Variants in NAV2 observed in about 807,000 individuals in gnomAD.
NAV2 encodes neuron navigator 2.
Under a neutral mutation model 223.2 loss-of-function variants are expected in NAV2, and 54 were observed. The ratio of observed to expected loss-of-function variants is 0.24; its 90% confidence interval spans 0.19 to 0.30. NAV2 has a LOEUF of 0.30. Among genes scored for constraint, NAV2 ranks in the 10% least tolerant of loss-of-function variants. NAV2 has a pLI of 1.00. For missense variants in NAV2, 2,806 were observed against 3,147.5 expected, an observed-to-expected ratio of 0.89 and a Z score of 2.60; for synonymous variants, 1,279 against 1,239.3, an observed-to-expected ratio of 1.03 and a Z score of -0.67.
At chr11:19,611,017 A>G (rs575925436) in intron 1 of NAV2, among the ~76,000 whole-genome samples, 8 of 152,220 alleles carry the variant, frequency 5.3e-5, no homozygotes, top group Non-Finnish European at 1.2e-4. Flanking sequence ...ACTGGGAAGA[A>G]AAAGAGGTTT....
chr11:19,765,916 A>G (rs2055189561), intron 1 of NAV2, among the ~76,000 whole-genome samples: 2 of 152,138 alleles, frequency 1.3e-5, no homozygotes, highest in South Asian at 4.2e-4. Flanking sequence ...TTCTCTCTCT[A>G]GGACTTACTA....
chr11:19,616,895 T>C (rs1003811122), intron 1 of NAV2, among the ~76,000 whole-genome samples: 1 of 152,038 alleles, frequency 6.6e-6, no homozygotes, highest in Non-Finnish European at 1.5e-5. Context: ...AGACCTAAGA[T>C]AGAATTCTGC....
At chr11:19,411,853 G>A (rs1486194284) in intron 1 of NAV2, among the ~76,000 whole-genome samples, 3 of 152,116 alleles carry the variant, frequency 2.0e-5, no homozygotes, top group African/African-American at 7.2e-5. Flanking sequence ...GGGAGTAAAT[G>A]TCCCCATTAC....
Position 19,849,024 on chromosome 11 carries a change from A to ATTTT in NAV2, c.438+6102_438+6105dup, listed in dbSNP as rs540742768. On this transcript the variant is annotated intron_variant, in intron 3 of 37. Transcript: ENST00000349880. Reference sequence around the variant, plus strand: ...CAACACCTCGCAGGGTTACCATGAGATTTTAATGAGCTAACATTTATTGAT... The same window carrying ATTTT: ...CAACACCTCGCAGGGTTACCATGAGATTTTTTTTAATGAGCTAACATTTATTGAT... Among the ~76,000 whole-genome samples, 963 of 152,278 alleles carry ATTTT rather than the reference A, an allele frequency of 6.3e-3. 12 individuals carry two copies. Among genetic ancestry groups the ATTTT allele is most frequent in the Non-Finnish European group, 7.1e-3 (481 of 68,022 alleles).
chr11:20,036,964 A>G (rs2056431762), intron 12 of NAV2, among the ~76,000 whole-genome samples: 2 of 152,164 alleles, frequency 1.3e-5, no homozygotes, highest in South Asian at 4.1e-4. Context: ...TGACCCTCAG[A>G]CCATTCCTTC....
At chr11:20,109,011 G>A (rs2062405797) in intron 36 of NAV2, among the ~76,000 whole-genome samples, 1 of 152,146 alleles carries the variant, frequency 6.6e-6, no homozygotes, top group African/African-American at 2.4e-5. Flanking sequence ...GCTATCGTAG[G>A]CCTGTGGAGG....
At chr11:19,843,031 A>C in intron 3 of NAV2, 108 bp downstream of exon 3, 1 of 852,406 alleles carries the variant, frequency 1.2e-6, no homozygotes, top group South Asian at 1.7e-5. Flanking sequence ...ACTCCAGGGG[A>C]TTATATTAAT....
chr11:19,767,288 G>A (rs1222911589), intron 1 of NAV2, among the ~76,000 whole-genome samples: 1 of 152,204 alleles, frequency 6.6e-6, no homozygotes, highest in Non-Finnish European at 1.5e-5. Context: ...GAGGGAAAAT[G>A]CAGTGATAGT....
intron 1 of NAV2, among the ~76,000 whole-genome samples, chr11:19,560,441 T>A (rs898352154): frequency 6.6e-6 from 1 of 152,110 alleles, no homozygotes; most frequent in Non-Finnish European, 1.5e-5. Flanking sequence ...TTAATTGGAG[T>A]CTCTGAGCCT....
chr11:19,495,053 G>A (rs921930283), intron 1 of NAV2, among the ~76,000 whole-genome samples: 3 of 152,202 alleles, frequency 2.0e-5, no homozygotes, highest in Non-Finnish European at 4.4e-5. Flanking sequence ...AGGCCTTAGG[G>A]CCTGGGTCTC....
chr11:19,573,014 T>C (rs2045468163), intron 1 of NAV2, among the ~76,000 whole-genome samples: 1 of 152,212 alleles, frequency 6.6e-6, no homozygotes, highest in Non-Finnish European at 1.5e-5. Flanking sequence ...AATCTAATTT[T>C]CTCATTAACC....
At chr11:19,390,413 A>G (rs900313417) in intron 1 of NAV2, among the ~76,000 whole-genome samples, 1 of 152,228 alleles carries the variant, frequency 6.6e-6, no homozygotes, top group Non-Finnish European at 1.5e-5. Flanking sequence ...CAGAAAAATA[A>G]TAACAAATAT....
intron 1 of NAV2, among the ~76,000 whole-genome samples, chr11:19,490,764 T>C (rs1047007616): frequency 2.6e-5 from 4 of 152,230 alleles, no homozygotes; most frequent in African/African-American, 7.2e-5. Context: ...TAATGGCATC[T>C]AGAATAGTGA....
chr11:19,844,828 T>G (rs11025287), intron 3 of NAV2, among the ~76,000 whole-genome samples: 18 of 135,742 alleles, frequency 1.3e-4, no homozygotes, highest in African/African-American at 2.3e-4. Context: ...GTGTGTTTTT[T>G]TTTTTTTTTA....
chr11:19,420,725 G>GTTTA (rs1217067877), intron 1 of NAV2, among the ~76,000 whole-genome samples: 1 of 152,180 alleles, frequency 6.6e-6, no homozygotes, highest in Admixed American at 6.5e-5. Flanking sequence ...TTAAGATAAT[G>GTTTA]TTTACCCTTG....
At chr11:19,749,427 A>C (rs981284301) in intron 1 of NAV2, among the ~76,000 whole-genome samples, 7 of 152,186 alleles carry the variant, frequency 4.6e-5, no homozygotes, top group Admixed American at 1.3e-4. Flanking sequence ...TATTCTTTCC[A>C]TCATAAGCTG....
chr11:19,714,790 G>A (rs1392101230), intron 1 of NAV2, among the ~76,000 whole-genome samples: 1 of 152,204 alleles, frequency 6.6e-6, no homozygotes, highest in Non-Finnish European at 1.5e-5. Context: ...CCCTGGCCGT[G>A]CAATCTCTTT....
chr11:19,677,387 T>C (rs1212837897), intron 1 of NAV2, among the ~76,000 whole-genome samples: 1 of 152,242 alleles, frequency 6.6e-6, no homozygotes, highest in African/African-American at 2.4e-5. Context: ...AGGCAGCACC[T>C]GGCCATGGTC....
chr11:19,550,368 G>T (rs2044650757), intron 1 of NAV2, among the ~76,000 whole-genome samples: 1 of 152,310 alleles, frequency 6.6e-6, no homozygotes, highest in African/African-American at 2.4e-5. Context: ...CACATACTGT[G>T]TACAGGACTC....
Sources: allele counts gnomAD v4.1 joint callset (sites outside exome capture counted in the v4.1 genomes callset), GRCh38; gene constraint gnomAD v4.1.1; transcripts MANE v1.5; gene names NCBI Gene and HGNC (gene_info 2026-07-23, HGNC 2026-07-21).